SYT14: variants seen among roughly 807,000 people sequenced by gnomAD.
SYT14 encodes the protein synaptotagmin 14, also known as synaptotagmin-14.
In SYT14, 32 loss-of-function variants were observed where a neutral mutation model predicts 74.2. The observed-to-expected ratio is 0.43, with a 90% CI of 0.33 to 0.58. SYT14 has a LOEUF of 0.58. Ranked by LOEUF, SYT14 falls within the 20% of genes least tolerant of loss-of-function variation. SYT14 has a pLI of 0.05. For missense variants in SYT14, 791 were observed against 981.8 expected (o/e 0.81, Z 2.60); for synonymous variants, 298 against 337.7 (o/e 0.88, Z 1.29).
At chr1:209,952,644 C>A in intron 1 of SYT14, 65 bp from the exon 2 acceptor site, 1 of 1,399,358 alleles carries the variant, frequency 7.1e-7, no homozygotes, top group Non-Finnish European at 1.0e-6. Context: ...TAAAATGATT[C>A]TTTGTAACAG....
chr1:210,100,722 T>C (rs2082048741), intron 7 of SYT14, among the ~76,000 whole-genome samples: 1 of 152,138 alleles, frequency 6.6e-6, no homozygotes, highest in African/African-American at 2.4e-5. Context: ...TACATGTTTT[T>C]TGTTGTTGTT....
At chr1:209,987,977 C>T (rs187342283) in intron 2 of SYT14, among the ~76,000 whole-genome samples, 158 of 152,124 alleles carry the variant, frequency 1.0e-3, no homozygotes, top group Middle Eastern at 3.4e-3. Flanking sequence ...ATTTACTGAG[C>T]TGCTTTTGGT....
At chr1:209,946,585 T>C (rs774272447) in intron 1 of SYT14, among the ~76,000 whole-genome samples, 4 of 152,204 alleles carry the variant, frequency 2.6e-5, no homozygotes, top group African/African-American at 4.8e-5. Context: ...AGAAGAAAAG[T>C]TGGAGGCCAG....
intron 6 of SYT14, among the ~76,000 whole-genome samples, chr1:210,097,076 T>C (rs2081980127): frequency 6.6e-6 from 1 of 152,262 alleles, no homozygotes; most frequent in Admixed American, 6.5e-5. Context: ...TGTAGTAGCA[T>C]TGAATGTACT....
chr1:210,012,908 G>T (rs1409887043), intron 2 of SYT14, among the ~76,000 whole-genome samples: 2 of 151,886 alleles, frequency 1.3e-5, no homozygotes, highest in African/African-American at 4.8e-5. Context: ...CGCCACATTG[G>T]CCAGGCTGGT....
intron 7 of SYT14, among the ~76,000 whole-genome samples, chr1:210,131,278 T>C (rs894521630): frequency 8.5e-5 from 13 of 152,314 alleles, no homozygotes; most frequent in African/African-American, 3.1e-4. Context: ...TTCCTTTTAG[T>C]TGGAATTGAC....
At chr1:209,994,501 TTAAATC>T (rs935703055) in intron 2 of SYT14, among the ~76,000 whole-genome samples, 15 of 152,214 alleles carry the variant, frequency 9.9e-5, no homozygotes, top group African/African-American at 3.4e-4. Context: ...TGTAAAGTGA[TTAAATC>T]TAAGACTCAT....
intron 5 of SYT14, among the ~76,000 whole-genome samples, chr1:210,022,843 A>G (rs994230165): frequency 4.0e-5 from 6 of 151,764 alleles, no homozygotes; most frequent in African/African-American, 1.5e-4. Context: ...TTTATTTTCT[A>G]TTCATTTCTC....
chr1:210,123,027 A>G (rs767157209), intron 7 of SYT14, among the ~76,000 whole-genome samples: 2 of 152,216 alleles, frequency 1.3e-5, no homozygotes, highest in African/African-American at 4.8e-5. Flanking sequence ...TTATAAAAAT[A>G]TTATTGAATG....
rs571664239 is a variant in SYT14 at position 209,980,252 on chromosome 1, A to G, written c.-486+27496A>G. Among the ~76,000 whole-genome samples the G allele has an allele frequency of 5.1e-4, 77 of 152,230 alleles. 1 individual carries two copies. The highest frequency in any genetic ancestry group is 1.7e-3 in the African/African-American group (71 of 41,536). ...TCATATGTATGTTGGCTGCATGTGT[A>G]TCTTCTTTTGAGAAGTGTCTGTTCA... is the stretch of plus-strand genomic sequence containing the variant. On this transcript the variant is annotated intron_variant, in intron 2 of 9. Coordinates refer to ENST00000637265, the Ensembl canonical transcript of SYT14.
chr1:210,014,329 C>T (rs1558128911), intron 3 of SYT14, among the ~76,000 whole-genome samples: 1 of 151,464 alleles, frequency 6.6e-6, no homozygotes. Context: ...CCTCCCTTGG[C>T]ACCATATATT....
chr1:210,112,811 G>C (rs1347572247), intron 7 of SYT14, among the ~76,000 whole-genome samples: 2 of 151,322 alleles, frequency 1.3e-5, no homozygotes. Flanking sequence ...GCATGGTGGT[G>C]CAGGATATGG....
In SYT14 at chr1:210,022,635, C is replaced by G. The variant is rs570065482; in HGVS notation, c.1312+1381C>G. On this transcript the variant is annotated intron_variant, in intron 5 of 9. Transcript: ENST00000637265. ...ATTGTTTTTAGATTTCTTTCATTGT[C>G]TGTAAAATATGAATAAAACTGAACT... Among the ~76,000 whole-genome samples the G allele has an allele frequency of 2.0e-5, 3 of 152,138 alleles. No homozygotes were observed. The South Asian group carries it at 6.2e-4, about 32-fold the overall frequency.
chr1:210,052,389 G>T (rs868064559), intron 5 of SYT14, among the ~76,000 whole-genome samples: 5 of 152,020 alleles, frequency 3.3e-5, no homozygotes, highest in African/African-American at 9.6e-5. Context: ...CAGACCTGGC[G>T]CAGTGGTTCA....
chr1:210,169,060 T>C (rs567839085), exon 10 of SYT14: 13 of 152,164 alleles, frequency 8.5e-5, no homozygotes, highest in Admixed American at 5.2e-4. Context: ...GCTTGCACAT[T>C]CTTTTTATTT....
At chr1:210,032,651 C>T (rs1488870725) in intron 5 of SYT14, among the ~76,000 whole-genome samples, 2 of 96,946 alleles carry the variant, frequency 2.1e-5, no homozygotes, top group East Asian at 5.7e-4. Context: ...CTCTAGTACC[C>T]AGTAAAAAAA....
intron 7 of SYT14, among the ~76,000 whole-genome samples, chr1:210,132,567 T>TTATG (rs147481736): frequency 1.6e-4 from 23 of 145,082 alleles, no homozygotes; most frequent in African/African-American, 5.9e-4. Flanking sequence ...ATTTTATATA[T>TTATG]TGTGTGTGTG....
At chr1:210,098,894 A>G (rs1295589620) in intron 6 of SYT14, among the ~76,000 whole-genome samples, 3 of 151,982 alleles carry the variant, frequency 2.0e-5, no homozygotes, top group Non-Finnish European at 2.9e-5. Context: ...GAGATTCACC[A>G]TGTTGGCCAG....
At chr1:209,945,819 T>G (rs1458234763) in intron 1 of SYT14, among the ~76,000 whole-genome samples, 2 of 152,210 alleles carry the variant, frequency 1.3e-5, no homozygotes, top group Non-Finnish European at 1.5e-5. Flanking sequence ...TGTACAGGCA[T>G]ACCTCCTTGC....
Sources: allele counts gnomAD v4.1 joint callset (sites outside exome capture counted in the v4.1 genomes callset), GRCh38; gene constraint gnomAD v4.1.1; transcripts MANE v1.5; gene names NCBI Gene and HGNC (gene_info 2026-07-23, HGNC 2026-07-21).